TENM2: variants seen among roughly 807,000 people sequenced by gnomAD.
TENM2 encodes the protein teneurin transmembrane protein 2.
TENM2 carries 52 observed loss-of-function variants against 245.2 expected under a neutral mutation model. The observed-to-expected ratio is 0.21, with a 90% CI of 0.17 to 0.27. TENM2 has a LOEUF of 0.27. Among genes scored for constraint, TENM2 ranks in the 10% least tolerant of loss-of-function variants. TENM2 has a pLI of 1.00. For missense variants in TENM2, 3,046 were observed against 3,666.8 expected (o/e 0.83, Z 4.37); for synonymous variants, 1,363 against 1,438.9 (o/e 0.95, Z 1.19).
At chr5:167,651,256 A>T (rs138384690) in intron 2 of TENM2, among the ~76,000 whole-genome samples, 11 of 152,254 alleles carry the variant, frequency 7.2e-5, no homozygotes, top group African/African-American at 2.6e-4. Flanking sequence ...GTAAGGCTGA[A>T]TATATGATGA....
At chr5:168,228,595 T>G (rs1764482728) in intron 25 of TENM2, among the ~76,000 whole-genome samples, 1 of 140,222 alleles carries the variant, frequency 7.1e-6, no homozygotes, top group Non-Finnish European at 1.7e-5. Flanking sequence ...TAAAGTATGT[T>G]CTTTGCACTC....
chr5:167,302,955 A>G lies in TENM2; in HGVS notation c.226+17892A>G, dbSNP rs1044121566. Among the ~76,000 whole-genome samples the G allele has an allele frequency of 4.6e-5, 7 of 152,164 alleles. No homozygotes were observed. In the East Asian group the frequency reaches 1.2e-3, roughly 25 times the overall value. On this transcript the variant is annotated intron_variant, in intron 1 of 28. Transcript: ENST00000518659. ...TTCCCGAGTCCGTGAGCAGTGCTGG[A>G]GTTTTGGGTCCATGGATAAAACGTG...
chr5:167,217,932 C>T, the TENM2 span, among the ~76,000 whole-genome samples: 1 of 151,636 alleles, frequency 6.6e-6, no homozygotes, highest in African/African-American at 2.4e-5. Flanking sequence ...ATTGCAGGAC[C>T]CAGGTCTCAA....
At chr5:167,353,709 G>A (rs941933437) in intron 1 of TENM2, among the ~76,000 whole-genome samples, 18 of 151,386 alleles carry the variant, frequency 1.2e-4, no homozygotes, top group Non-Finnish European at 4.4e-5. Context: ...GGGTTTCACC[G>A]TTTTAGCCGG....
chr5:168,117,276 C>CT (rs1022021810), intron 9 of TENM2, among the ~76,000 whole-genome samples: 30 of 152,086 alleles, frequency 2.0e-4, no homozygotes, highest in Non-Finnish European at 3.1e-4. Flanking sequence ...GCTCCCTTTT[C>CT]TTTTTTTTCT....
chr5:167,332,008 A>G (rs1269341162), intron 1 of TENM2, among the ~76,000 whole-genome samples: 1 of 152,232 alleles, frequency 6.6e-6, no homozygotes, highest in Admixed American at 6.5e-5. Context: ...TTTATCGACC[A>G]ACGTATTCCA....
chr5:167,593,915 A>G (rs1217487099), intron 2 of TENM2, among the ~76,000 whole-genome samples: 1 of 152,162 alleles, frequency 6.6e-6, no homozygotes, highest in Non-Finnish European at 1.5e-5. Context: ...TGTGGGCAAA[A>G]CATGCTAGTA....
At chr5:167,127,868 C>T in the TENM2 span, among the ~76,000 whole-genome samples, 1 of 152,052 alleles carries the variant, frequency 6.6e-6, no homozygotes, top group African/African-American at 2.4e-5. Flanking sequence ...TAATGCTGTC[C>T]AGGGGATCCT....
At chr5:167,793,586 G>C (rs1035159974) in intron 2 of TENM2, among the ~76,000 whole-genome samples, 1 of 152,050 alleles carries the variant, frequency 6.6e-6, no homozygotes, top group Non-Finnish European at 1.5e-5. Context: ...TGTAACCCTA[G>C]CATTTTGGGA....
chr5:167,954,566 A>G (rs892279460), intron 4 of TENM2, among the ~76,000 whole-genome samples: 16 of 152,312 alleles, frequency 1.1e-4, no homozygotes, highest in Non-Finnish European at 1.8e-4. Flanking sequence ...TCCTGCACCC[A>G]TCAACTGGTC....
chr5:167,276,350 TTTTGTGTG>T, the TENM2 span, among the ~76,000 whole-genome samples: 54,038 of 143,414 alleles, frequency 0.38, 10,103 homozygotes, highest in Middle Eastern at 0.54. Context: ...AGCCTGTTCA[TTTTGTGTG>T]TGTGTGTGTG....
At chr5:168,252,846 T>C (rs1581775638) in intron 27 of TENM2, among the ~76,000 whole-genome samples, 1 of 146,838 alleles carries the variant, frequency 6.8e-6, no homozygotes, top group South Asian at 2.2e-4. Context: ...AAACTCAGTC[T>C]CAAAAAAAAA....
At chr5:167,209,886 C>T in the TENM2 span, among the ~76,000 whole-genome samples, 1 of 152,158 alleles carries the variant, frequency 6.6e-6, no homozygotes, top group Non-Finnish European at 1.5e-5. Flanking sequence ...TATATCAACC[C>T]TCAGTGGCCA....
intron 6 of TENM2, among the ~76,000 whole-genome samples, chr5:168,050,081 G>A (rs936125878): frequency 2.0e-5 from 3 of 152,150 alleles, no homozygotes; most frequent in Non-Finnish European, 4.4e-5. Context: ...GGGATTACAG[G>A]CATGAGCCAC....
At chr5:167,778,743 A>G (rs983580270) in intron 2 of TENM2, among the ~76,000 whole-genome samples, 3 of 152,226 alleles carry the variant, frequency 2.0e-5, no homozygotes, top group Admixed American at 6.5e-5. Flanking sequence ...TTAAAATGAT[A>G]ACTACAAAAT....
At chr5:167,716,852 A>C (rs1324034752) in intron 2 of TENM2, among the ~76,000 whole-genome samples, 2 of 151,350 alleles carry the variant, frequency 1.3e-5, no homozygotes, top group Non-Finnish European at 2.9e-5. Context: ...ATTTACATAA[A>C]GCCATCTTTA....
intron 2 of TENM2, among the ~76,000 whole-genome samples, chr5:167,674,597 T>C (rs1297976701): frequency 6.6e-6 from 1 of 152,108 alleles, no homozygotes; most frequent in Non-Finnish European, 1.5e-5. Context: ...GCTTATAACT[T>C]GCCTTGGACA....
chr5:167,099,058 A>C, the TENM2 span, among the ~76,000 whole-genome samples: 1 of 152,222 alleles, frequency 6.6e-6, no homozygotes, highest in African/African-American at 2.4e-5. Context: ...GTAGTTTTTT[A>C]AATATTTTTT....
At chr5:167,982,390 C>G (rs1381346380) in intron 4 of TENM2, among the ~76,000 whole-genome samples, 1 of 152,102 alleles carries the variant, frequency 6.6e-6, no homozygotes, top group Non-Finnish European at 1.5e-5. Context: ...ATATTCCATG[C>G]TCAATAAATA....
Sources: gnomAD v4.1 joint callset for allele counts (sites outside exome capture counted in the v4.1 genomes callset) on GRCh38, gnomAD v4.1.1 for gene constraint, MANE v1.5 for transcripts, NCBI Gene and HGNC (gene_info 2026-07-23, HGNC 2026-07-21) for gene names.